Variants in PKHD1 observed in about 807,000 individuals in gnomAD.
PKHD1 encodes the protein fibrocystin.
A neutral mutation model predicts 412.0 loss-of-function variants in PKHD1; 291 were observed. The ratio of observed to expected loss-of-function variants is 0.71; its 90% CI spans 0.64 to 0.78. The LOEUF (loss-of-function observed/expected upper bound fraction) is 0.78. Ranked by LOEUF, PKHD1 falls within the 30% of genes least tolerant of loss-of-function variation. PKHD1 has a pLI of 0.00. For synonymous variants in PKHD1, 1,777 were observed against 1,821.5 expected (o/e 0.98, Z 0.62); for missense variants, 4,825 against 4,950.7 (o/e 0.97, Z 0.76).
intron 62 of PKHD1, among the ~76,000 whole-genome samples, 178 bp downstream of exon 62, chr6:51,648,907 G>T (rs949847669): frequency 1.3e-5 from 2 of 152,166 alleles, no homozygotes; most frequent in Admixed American, 6.6e-5. Flanking sequence ...AAAATAGAAG[G>T]CAGGCAGGCT....
intron 55 of PKHD1, among the ~76,000 whole-genome samples, chr6:51,766,188 A>C (rs558924733): frequency 3.3e-5 from 5 of 152,272 alleles, no homozygotes; most frequent in African/African-American, 1.2e-4. Flanking sequence ...AATTTTAAAT[A>C]ACCATGAACA....
intron 52 of PKHD1, among the ~76,000 whole-genome samples, chr6:51,818,295 C>T (rs1765807999): frequency 6.6e-6 from 1 of 152,310 alleles, no homozygotes; most frequent in African/African-American, 2.4e-5. Context: ...TGGGCAAATG[C>T]TCTGAGAAAC....
chr6:51,777,430 T>C lies in PKHD1; in HGVS notation c.8441-1509A>G, dbSNP rs116880139. On this transcript the variant is annotated intron_variant, in intron 53 of 66. Transcript: ENST00000371117. ...GTCAATGGGTGAGCAAGCCTATGTATTTCCAATAATATGCAAAGGTGTGTT... is the reference window on the plus strand; with the variant it reads ...GTCAATGGGTGAGCAAGCCTATGTACTTCCAATAATATGCAAAGGTGTGTT... Among the ~76,000 whole-genome samples, 617 of 152,190 alleles carry C rather than the reference T, an allele frequency of 4.1e-3. 19 individuals are homozygous for C. In the East Asian group the frequency reaches 0.063, roughly 16 times the overall value.
At chr6:51,853,768 G>A (rs1466827010) in intron 49 of PKHD1, among the ~76,000 whole-genome samples, 1 of 152,124 alleles carries the variant, frequency 6.6e-6, no homozygotes, top group South Asian at 2.1e-4. Context: ...GGCTCCATCA[G>A]GTCGTTTATA....
At chr6:51,734,741 A>C (rs1015743508) in intron 60 of PKHD1, among the ~76,000 whole-genome samples, 1 of 152,202 alleles carries the variant, frequency 6.6e-6, no homozygotes, top group Non-Finnish European at 1.5e-5. Flanking sequence ...AGTTCCAAAC[A>C]GAAGTTTCAC....
rs773475336 is a variant in PKHD1 at position 51,744,635 on chromosome 6, T to G, written c.9999-93A>C. 4.0e-5 allele frequency: 38 copies of G among 948,126 alleles called. 1 individual carries two copies. In the Middle Eastern group the frequency reaches 8.2e-4, roughly 21 times the overall value. The allele number at this position is 948,126 out of a possible 1,614,324, so 58.7% of individuals were successfully genotyped here. ...TAGTGCTAATGTTGTTTAAAATAAA[T>G]TCAACAGATTTTTATTATTGACAAT... On this transcript the variant is annotated intron_variant, in intron 59 of 66. Coordinates refer to ENST00000371117, the MANE Select transcript of PKHD1 (RefSeq NM_138694.4).
chr6:51,936,063 T>C lies in PKHD1; in HGVS notation c.5909-1741A>G, dbSNP rs1197630848. Among the ~76,000 whole-genome samples the C allele has an allele frequency of 3.9e-5, 6 of 152,228 alleles. No homozygotes were observed. The South Asian group carries it at 8.3e-4, about 21-fold the overall frequency. On this transcript the variant is annotated intron_variant, in intron 36 of 66. Transcript: ENST00000371117. ...ATTTTCTGCCCTCTCCCCACCAGAATACATGCTTCCTGAGGGGAATTATCT... is the reference window on the plus strand; with the variant it reads ...ATTTTCTGCCCTCTCCCCACCAGAACACATGCTTCCTGAGGGGAATTATCT...
In PKHD1 at chr6:51,941,945, G is replaced by A. The variant is rs1344205779; in HGVS notation, c.5909-7623C>T. ...TTCCTCATCTGTTACCTATCATGGC[G>A]TAATTCTCATAAAACGTGTTTTCCC... On this transcript the variant is annotated intron_variant, in intron 36 of 66. Coordinates refer to ENST00000371117, the MANE Select transcript of PKHD1 (RefSeq NM_138694.4). Among the ~76,000 whole-genome samples the A allele has an allele frequency of 4.0e-5, 6 of 151,306 alleles. 1 individual carries two copies. Among genetic ancestry groups the A allele is most frequent in the East Asian group, 1.9e-4 (1 of 5,190 alleles).
chr6:52,075,325 G>T (rs990698818), intron 6 of PKHD1, among the ~76,000 whole-genome samples: 1 of 152,180 alleles, frequency 6.6e-6, no homozygotes, highest in African/African-American at 2.4e-5. Flanking sequence ...TGCTTGAGCA[G>T]TTGAGCCAAT....
At chr6:51,804,022 T>C (rs1763327850) in intron 52 of PKHD1, among the ~76,000 whole-genome samples, 1 of 151,262 alleles carries the variant, frequency 6.6e-6, no homozygotes, top group Admixed American at 6.6e-5. Flanking sequence ...ATGGGATGAG[T>C]TTTGGAAGAA....
intron 28 of PKHD1, 104 bp downstream of exon 28, chr6:52,035,487 G>C: frequency 8.8e-7 from 1 of 1,137,070 alleles, no homozygotes; most frequent in South Asian, 1.2e-5. Context: ...ATAATGAGAA[G>C]TTTACATCAG....
chr6:51,940,897 G>A (rs973087694), intron 36 of PKHD1, among the ~76,000 whole-genome samples: 2 of 151,298 alleles, frequency 1.3e-5, no homozygotes, highest in African/African-American at 4.8e-5. Context: ...ATTCTTTTAT[G>A]CACTCCTTTT....
At chr6:51,844,482 A>G (rs139912075) in intron 50 of PKHD1, among the ~76,000 whole-genome samples, 19 of 152,260 alleles carry the variant, frequency 1.2e-4, no homozygotes, top group Non-Finnish European at 2.4e-4. Flanking sequence ...AACCCTGCCT[A>G]GCACCCCCGC....
At chr6:51,626,429 T>A (rs1391562220) in intron 66 of PKHD1, among the ~76,000 whole-genome samples, 1 of 152,296 alleles carries the variant, frequency 6.6e-6, no homozygotes, top group South Asian at 2.1e-4. Flanking sequence ...CCCAGGCAAA[T>A]GCTTATCTTT....
chr6:51,964,909 C>T (rs10498793), intron 35 of PKHD1, among the ~76,000 whole-genome samples: 6,979 of 152,172 alleles, frequency 0.046, 215 homozygotes, highest in East Asian at 0.13. Context: ...TACTCCTCAA[C>T]TAACTTACAA....
chr6:51,994,548 G>A (rs1365900656), intron 35 of PKHD1, among the ~76,000 whole-genome samples: 1 of 152,086 alleles, frequency 6.6e-6, no homozygotes, highest in Non-Finnish European at 1.5e-5. Flanking sequence ...AGGTTCTTTG[G>A]TTTTGTTTTT....
Position 51,853,027 on chromosome 6 carries a change from T to C in PKHD1, c.7911+2866A>G, listed in dbSNP as rs142637782. Among the ~76,000 whole-genome samples, 370 of 152,338 alleles carry C rather than the reference T, an allele frequency of 2.4e-3. 3 individuals carry two copies. Among genetic ancestry groups the C allele is most frequent in the African/African-American group, 7.9e-3 (330 of 41,564 alleles). On this transcript the variant is annotated intron_variant, in intron 49 of 66. Coordinates refer to ENST00000371117, the MANE Select transcript of PKHD1 (RefSeq NM_138694.4). ...TGTCATTGGTCTTTATATTTTGGTG[T>C]GTTTTTATAGTGGCTGGTACCGGTT...
intron 11 of PKHD1, among the ~76,000 whole-genome samples, chr6:52,068,698 A>G (rs1456162685): frequency 1.3e-5 from 2 of 152,212 alleles, no homozygotes; most frequent in African/African-American, 4.8e-5. Context: ...CGTTATCACC[A>G]TCACCTTGGG....
chr6:51,643,511 C>G (rs606875), intron 63 of PKHD1, among the ~76,000 whole-genome samples: 6,508 of 152,136 alleles, frequency 0.043, 233 homozygotes, highest in African/African-American at 0.093. Context: ...AGTCTATGGG[C>G]AGATTCTGAC....
Sources: gnomAD v4.1 joint callset for allele counts (sites outside exome capture counted in the v4.1 genomes callset) on GRCh38, gnomAD v4.1.1 for gene constraint, MANE v1.5 for transcripts, NCBI Gene and HGNC (gene_info 2026-07-23, HGNC 2026-07-21) for gene names.